The following NXPH2 variants were observed in gnomAD, a reference collection of about 807,000 sequenced individuals.
NXPH2 encodes neurexophilin 2.
Under a neutral mutation model 19.8 loss-of-function variants are expected in NXPH2, and 5 were observed. The ratio of observed to expected loss-of-function variants is 0.25; its 90% CI spans 0.13 to 0.53. NXPH2 has a LOEUF of 0.53. Ranked by LOEUF, NXPH2 falls within the 20% of genes least tolerant of loss-of-function variation. NXPH2 has a pLI of 0.96. For synonymous variants in NXPH2, 154 were observed against 127.4 expected, an observed-to-expected ratio of 1.21 and a Z score of -1.41; for missense variants, 289 against 322.8, an observed-to-expected ratio of 0.90 and a Z score of 0.80.
intron 1 of NXPH2, among the ~76,000 whole-genome samples, chr2:138,703,844 T>A (rs1363386740): frequency 1.3e-5 from 2 of 152,222 alleles, no homozygotes; most frequent in African/African-American, 4.8e-5. Flanking sequence ...ATCATGTGTC[T>A]ACTCCTGTTT....
At chr2:138,714,861 A>G (rs943232012) in intron 1 of NXPH2, among the ~76,000 whole-genome samples, 5 of 152,244 alleles carry the variant, frequency 3.3e-5, no homozygotes, top group Admixed American at 6.5e-5. Context: ...ATATAATGGC[A>G]TAATATGTGT....
chr2:138,759,975 C>T (rs928694699), intron 1 of NXPH2, among the ~76,000 whole-genome samples: 10 of 152,054 alleles, frequency 6.6e-5, no homozygotes, highest in South Asian at 4.1e-4. Context: ...GTGATCCGCC[C>T]GCCTCGGCCT....
At chr2:138,742,848 G>A (rs1681665787) in intron 1 of NXPH2, among the ~76,000 whole-genome samples, 1 of 152,180 alleles carries the variant, frequency 6.6e-6, no homozygotes, top group Non-Finnish European at 1.5e-5. Context: ...TCTAGAGACT[G>A]ACCTTGAAAA....
chr2:138,713,779 C>A (rs1353494410), intron 1 of NXPH2, among the ~76,000 whole-genome samples: 2 of 152,076 alleles, frequency 1.3e-5, no homozygotes, highest in Non-Finnish European at 2.9e-5. Flanking sequence ...TTGTTTCGCA[C>A]CAAATCACAA....
At chr2:138,711,902 G>T (rs13396766) in intron 1 of NXPH2, among the ~76,000 whole-genome samples, 30,098 of 152,102 alleles carry the variant, frequency 0.2, 3,088 homozygotes, top group East Asian at 0.24. Flanking sequence ...CTGCTGGTCT[G>T]GCACAGTTTG....
intron 1 of NXPH2, among the ~76,000 whole-genome samples, chr2:138,734,690 A>G (rs1681512515): frequency 1.3e-5 from 2 of 152,216 alleles, no homozygotes; most frequent in South Asian, 4.1e-4. Flanking sequence ...GGCAGAACAA[A>G]CAAGACTTGG....
chr2:138,721,265 C>CG (rs1044132064), intron 1 of NXPH2, among the ~76,000 whole-genome samples: 54 of 151,724 alleles, frequency 3.6e-4, no homozygotes, highest in African/African-American at 1.2e-3. Context: ...CGCTTGAACC[C>CG]GGGAAGTGGA....
chr2:138,779,820 C>T (rs1433922588), intron 1 of NXPH2, among the ~76,000 whole-genome samples: 1 of 152,210 alleles, frequency 6.6e-6, no homozygotes, highest in Non-Finnish European at 1.5e-5. Context: ...GCCTCTCAAA[C>T]TGTGAACAGG....
At chr2:138,686,236 G>A (rs977553279) in intron 1 of NXPH2, among the ~76,000 whole-genome samples, 3 of 152,116 alleles carry the variant, frequency 2.0e-5, no homozygotes, top group African/African-American at 7.2e-5. Flanking sequence ...CTACTTCTCT[G>A]GTGATCTCCT....
At chr2:138,752,263 G>C (rs983680641) in intron 1 of NXPH2, among the ~76,000 whole-genome samples, 1 of 152,070 alleles carries the variant, frequency 6.6e-6, no homozygotes, top group Non-Finnish European at 1.5e-5. Context: ...ACACTGTCCC[G>C]GTGGGGTTGT....
intron 1 of NXPH2, among the ~76,000 whole-genome samples, chr2:138,733,520 A>G (rs1681483942): frequency 6.6e-6 from 1 of 152,236 alleles, no homozygotes. Context: ...AGAAGAAAAG[A>G]GTTTAAATGA....
chr2:138,774,781 T>C (rs1479916970), intron 1 of NXPH2, among the ~76,000 whole-genome samples: 1 of 152,202 alleles, frequency 6.6e-6, no homozygotes, highest in African/African-American at 2.4e-5. Flanking sequence ...AAACAGATAA[T>C]GAACAAATAT....
chr2:138,706,402 T>C (rs1320329615), intron 1 of NXPH2, among the ~76,000 whole-genome samples: 1 of 152,208 alleles, frequency 6.6e-6, no homozygotes, highest in Non-Finnish European at 1.5e-5. Flanking sequence ...TTAACCAATG[T>C]TCTCCATTGG....
At chr2:138,773,277 C>T (rs1682206208) in intron 1 of NXPH2, among the ~76,000 whole-genome samples, 1 of 152,186 alleles carries the variant, frequency 6.6e-6, no homozygotes, top group African/African-American at 2.4e-5. Context: ...GGAAAACACG[C>T]TTTTGAAAAC....
chr2:138,692,358 A>G (rs1680758404), intron 1 of NXPH2, among the ~76,000 whole-genome samples: 1 of 152,192 alleles, frequency 6.6e-6, no homozygotes, highest in Non-Finnish European at 1.5e-5. Flanking sequence ...ATCATCAGCC[A>G]CTGCAGTTCT....
intron 1 of NXPH2, among the ~76,000 whole-genome samples, chr2:138,752,658 C>G (rs989878177): frequency 6.6e-6 from 1 of 152,100 alleles, no homozygotes; most frequent in Non-Finnish European, 1.5e-5. Context: ...TTCCTCAGTT[C>G]TCTCCTAAGG....
chr2:138,670,985 G>T lies in NXPH2; in HGVS notation c.732C>A (p.Leu244=). Residue 244 remains leucine, a synonymous_variant, in exon 2 of 2, where the codon CTC becomes CTA. Transcript: ENST00000272641. ...TGTAGTCAGGGCACACCTTTTGCAC[G>T]AGTTTATAATCAACACTGTAAAAGG... ...YIAFYSVDYK[L]VQKVCPDYNY... 6.2e-7 allele frequency: 1 copy of T among 1,613,834 alleles called. No homozygotes were observed. The highest frequency in any genetic ancestry group is 8.5e-7 in the Non-Finnish European group (1 of 1,179,834).
At chr2:138,726,636 A>G (rs553139294) in intron 1 of NXPH2, among the ~76,000 whole-genome samples, 81 of 151,562 alleles carry the variant, frequency 5.3e-4, no homozygotes, top group Middle Eastern at 3.4e-3. Flanking sequence ...AATAGGCTTT[A>G]TTTTATAGAG....
chr2:138,698,792 G>C (rs1336424283), intron 1 of NXPH2, among the ~76,000 whole-genome samples: 1 of 152,038 alleles, frequency 6.6e-6, no homozygotes, highest in Non-Finnish European at 1.5e-5. Context: ...AATTAGAGGG[G>C]GCAGTAAGCT....
Sources: allele counts gnomAD v4.1 joint callset (sites outside exome capture counted in the v4.1 genomes callset), GRCh38; gene constraint gnomAD v4.1.1; transcripts MANE v1.5; gene names NCBI Gene and HGNC (gene_info 2026-07-23, HGNC 2026-07-21).